Variants in ZFAT observed in about 807,000 individuals in gnomAD.
ZFAT encodes the protein zinc finger and AT-hook domain containing.
ZFAT carries 64 observed loss-of-function variants against 117.7 expected under a neutral mutation model. That is an observed-to-expected ratio of 0.54 (90% CI 0.44 to 0.67). ZFAT has a LOEUF of 0.67. ZFAT is among the 30% of genes least tolerant of loss of function. The pLI is 0.00. For missense variants in ZFAT, 1,433 were observed against 1,584.5 expected (o/e 0.90, Z 1.62); for synonymous variants, 679 against 615.0 (o/e 1.10, Z -1.54).
chr8:134,523,962 T>G lies in ZFAT; in HGVS notation c.3116-2961A>C, dbSNP rs139064498. On this transcript the variant is annotated intron_variant, in intron 12 of 15. Transcript: ENST00000377838. ...TCCTACACATCTTCATTGTCCTTTC[T>G]CCCTTCTAAAGTGGCACCTTCCTAG... 8.2e-3 allele frequency among the ~76,000 whole-genome samples: 1,244 copies of G among 152,294 alleles called. 11 individuals are homozygous for G. Among genetic ancestry groups the G allele is most frequent in the Middle Eastern group, 0.017 (5 of 294 alleles).
At chr8:134,631,158 C>A (rs535570860) in intron 3 of ZFAT, among the ~76,000 whole-genome samples, 1 of 152,288 alleles carries the variant, frequency 6.6e-6, no homozygotes, top group East Asian at 1.9e-4. Context: ...AATAGGAGGC[C>A]ATTTTCTCTA....
chr8:134,490,911 C>T (rs1287346216), intron 15 of ZFAT, among the ~76,000 whole-genome samples: 1 of 152,146 alleles, frequency 6.6e-6, no homozygotes, highest in African/African-American at 2.4e-5. Flanking sequence ...TGCTGTCCTC[C>T]CCCTGCCTAG....
chr8:134,801,313 C>T, the ZFAT span, among the ~76,000 whole-genome samples: 30 of 152,058 alleles, frequency 2.0e-4, no homozygotes, highest in African/African-American at 7.0e-4. Context: ...CCTCTTTTTG[C>T]ATTCTTTCTG....
chr8:134,568,700 T>C (rs1301828879), intron 10 of ZFAT, among the ~76,000 whole-genome samples: 1 of 152,190 alleles, frequency 6.6e-6, no homozygotes, highest in Non-Finnish European at 1.5e-5. Context: ...CTAAAAGCCA[T>C]CCCTTACTGA....
chr8:134,490,013 T>C (rs967537830), intron 15 of ZFAT, among the ~76,000 whole-genome samples: 1 of 152,132 alleles, frequency 6.6e-6, no homozygotes, highest in Non-Finnish European at 1.5e-5. Context: ...TCAGCTCCAC[T>C]GTGAAATGCA....
the ZFAT span, among the ~76,000 whole-genome samples, chr8:134,739,558 C>A: frequency 2.0e-4 from 31 of 152,280 alleles, no homozygotes; most frequent in Non-Finnish European, 3.8e-4. Context: ...GGCCCAGATT[C>A]ATGCATTCTT....
chr8:134,571,087 C>G (rs1202579474), intron 10 of ZFAT, among the ~76,000 whole-genome samples: 1 of 152,208 alleles, frequency 6.6e-6, no homozygotes, highest in Non-Finnish European at 1.5e-5. Flanking sequence ...AGGACCATGC[C>G]TGATCCCAGG....
At chr8:134,617,065 A>G (rs1828801079) in intron 3 of ZFAT, among the ~76,000 whole-genome samples, 1 of 152,078 alleles carries the variant, frequency 6.6e-6, no homozygotes, top group Admixed American at 6.5e-5. Context: ...CACCACAGCT[A>G]CTCTCATTCC....
intron 11 of ZFAT, among the ~76,000 whole-genome samples, chr8:134,553,942 G>A (rs1321299883): frequency 6.6e-6 from 1 of 152,184 alleles, no homozygotes; most frequent in Non-Finnish European, 1.5e-5. Context: ...GTAGGATACA[G>A]GCCTTCCATC....
intron 3 of ZFAT, among the ~76,000 whole-genome samples, chr8:134,611,992 G>C (rs1828369083): frequency 6.6e-6 from 1 of 152,206 alleles, no homozygotes; most frequent in South Asian, 2.1e-4. Context: ...GAAGAACAAA[G>C]GAGCCACCTC....
chr8:134,575,195 C>A (rs1825207573), intron 10 of ZFAT, among the ~76,000 whole-genome samples: 1 of 152,056 alleles, frequency 6.6e-6, no homozygotes, highest in South Asian at 2.1e-4. Context: ...AGGTTCTAAT[C>A]CCCAGAACCT....
At chr8:134,514,349 A>G (rs1450090957) in intron 13 of ZFAT, among the ~76,000 whole-genome samples, 1 of 152,212 alleles carries the variant, frequency 6.6e-6, no homozygotes. Flanking sequence ...TCAGTAATTG[A>G]CACTCGAGTG....
intron 1 of ZFAT, among the ~76,000 whole-genome samples, chr8:134,712,138 T>C (rs1412577518): frequency 1.3e-5 from 2 of 152,084 alleles, no homozygotes. Flanking sequence ...CACGCAGGAG[T>C]TTGGATTTTA....
At chr8:134,785,099 G>A in the ZFAT span, 1 of 152,178 alleles carries the variant, frequency 6.6e-6, no homozygotes, top group Admixed American at 6.5e-5. Context: ...GCCAATCCCT[G>A]ATATTATCTG....
intron 1 of ZFAT, among the ~76,000 whole-genome samples, chr8:134,691,420 A>T (rs1423444026): frequency 6.6e-6 from 1 of 152,198 alleles, no homozygotes; most frequent in Non-Finnish European, 1.5e-5. Flanking sequence ...CTCCCAAGCC[A>T]CCTGTAGCAG....
chr8:134,649,453 GT>G (rs1038493517), intron 2 of ZFAT, among the ~76,000 whole-genome samples: 1 of 152,084 alleles, frequency 6.6e-6, no homozygotes, highest in Non-Finnish European at 1.5e-5. Flanking sequence ...GTTTTTAGAA[GT>G]TTTTTTAAAA....
chr8:134,571,507 C>G (rs1283735653), intron 10 of ZFAT, among the ~76,000 whole-genome samples: 3 of 152,162 alleles, frequency 2.0e-5, no homozygotes, highest in Non-Finnish European at 4.4e-5. Context: ...CAGCTGCAAC[C>G]AAGAGTCCAA....
At chr8:134,777,005 C>T in the ZFAT span, among the ~76,000 whole-genome samples, 7 of 152,356 alleles carry the variant, frequency 4.6e-5, no homozygotes, top group Admixed American at 2.0e-4. Context: ...CACATATTCT[C>T]ATTTAAGGAT....
intron 11 of ZFAT, among the ~76,000 whole-genome samples, chr8:134,549,319 T>C (rs1044702041): frequency 6.6e-6 from 1 of 151,982 alleles, no homozygotes; most frequent in African/African-American, 2.4e-5. Context: ...CAGGCACCTG[T>C]ACTCCCAGCT....
Sources: allele counts gnomAD v4.1 joint callset (sites outside exome capture counted in the v4.1 genomes callset), GRCh38; gene constraint gnomAD v4.1.1; transcripts MANE v1.5; gene names NCBI Gene and HGNC (gene_info 2026-07-23, HGNC 2026-07-21).